The following PDE4D variants were observed in gnomAD, a reference collection of about 807,000 sequenced individuals.
PDE4D encodes the protein 3',5'-cyclic-AMP phosphodiesterase 4D.
A neutral mutation model predicts 87.4 loss-of-function variants in PDE4D; 24 were observed. The observed-to-expected ratio is 0.27, with a 90% CI of 0.20 to 0.39. PDE4D has a LOEUF of 0.39. Among genes scored for constraint, PDE4D ranks in the 10% least tolerant of loss-of-function variants. The probability of loss-of-function intolerance (pLI) is 1.00; values close to 1 mark genes in which losing one functional copy is unlikely to be tolerated. For missense variants in PDE4D, 714 were observed against 1,041.0 expected (o/e 0.69, Z 4.32); for synonymous variants, 384 against 383.2 (o/e 1.00, Z -0.02).
intron 5 of PDE4D, among the ~76,000 whole-genome samples, chr5:59,111,246 T>C (rs1772588989): frequency 6.6e-6 from 1 of 152,180 alleles, no homozygotes; most frequent in Non-Finnish European, 1.5e-5. Flanking sequence ...AATCCCACCT[T>C]TTCTTCTTCT....
intron 2 of PDE4D, among the ~76,000 whole-genome samples, chr5:60,066,045 C>T (rs1772041282): frequency 6.6e-6 from 1 of 152,134 alleles, no homozygotes; most frequent in Admixed American, 6.5e-5. Flanking sequence ...GTTTATAGTC[C>T]CACCAACAGT....
chr5:59,266,660 T>C (rs1762908257), intron 1 of PDE4D, among the ~76,000 whole-genome samples: 1 of 151,818 alleles, frequency 6.6e-6, no homozygotes, highest in African/African-American at 2.4e-5. Context: ...TGTATACAAA[T>C]CTTGGGGGGA....
intron 1 of PDE4D, among the ~76,000 whole-genome samples, chr5:60,200,536 T>A (rs575778510): frequency 6.9e-6 from 1 of 144,848 alleles, no homozygotes; most frequent in East Asian, 1.9e-4. Flanking sequence ...GAAAATTTGC[T>A]ATAAGAAATA....
At chr5:58,996,474 C>CT (rs1341413919) in intron 6 of PDE4D, among the ~76,000 whole-genome samples, 3 of 151,912 alleles carry the variant, frequency 2.0e-5, no homozygotes, top group Admixed American at 6.6e-5. Context: ...ATGACAAAGT[C>CT]TTTTTTTTCA....
chr5:60,370,384 C>T (rs995252055), intron 1 of PDE4D, among the ~76,000 whole-genome samples: 4 of 152,074 alleles, frequency 2.6e-5, no homozygotes, highest in Non-Finnish European at 2.9e-5. Flanking sequence ...AACATATCAT[C>T]GACTACATTC....
intron 1 of PDE4D, among the ~76,000 whole-genome samples, chr5:60,340,567 A>G (rs975122834): frequency 1.7e-4 from 26 of 150,716 alleles, no homozygotes; most frequent in Non-Finnish European, 3.7e-4. Context: ...AGAAGAGAAC[A>G]CAGACTCATT....
chr5:59,010,372 A>G (rs1752534641), intron 6 of PDE4D, among the ~76,000 whole-genome samples: 1 of 151,784 alleles, frequency 6.6e-6, no homozygotes, highest in African/African-American at 2.4e-5. Flanking sequence ...TAATAGTCAA[A>G]GTATTCTTTT....
chr5:60,112,006 T>C (rs1777737577), intron 2 of PDE4D, among the ~76,000 whole-genome samples: 1 of 152,036 alleles, frequency 6.6e-6, no homozygotes, highest in African/African-American at 2.4e-5. Context: ...ATCTTAATGT[T>C]TTGATATCTG....
At chr5:59,112,391 G>A (rs1442486615) in intron 5 of PDE4D, among the ~76,000 whole-genome samples, 1 of 152,208 alleles carries the variant, frequency 6.6e-6, no homozygotes, top group Non-Finnish European at 1.5e-5. Flanking sequence ...GTTATGAGCA[G>A]AGGAATGACA....
At chr5:59,595,905 A>T (rs1299499633) in intron 1 of PDE4D, among the ~76,000 whole-genome samples, 1 of 152,046 alleles carries the variant, frequency 6.6e-6, no homozygotes, top group Admixed American at 6.6e-5. Context: ...TATTCTTCCT[A>T]CTTTTAGAAT....
In PDE4D at chr5:59,099,819, G is replaced by A. The variant is rs147024040; in HGVS notation, c.809-60848C>T. Among the ~76,000 whole-genome samples, 443 of 152,148 alleles carry A rather than the reference G, an allele frequency of 2.9e-3. 2 individuals carry two copies. Among genetic ancestry groups the A allele is most frequent in the African/African-American group, 0.01 (423 of 41,476 alleles). On this transcript the variant is annotated intron_variant, in intron 5 of 14. Transcript: ENST00000340635. Reference sequence around the variant, plus strand: ...TACCTCTTATCTCTTCTTCGATTATGGCCATCACTTACTTCCTCAGACTCC... The same window carrying A: ...TACCTCTTATCTCTTCTTCGATTATAGCCATCACTTACTTCCTCAGACTCC...
At chr5:59,443,064 A>G (rs1290121212) in intron 1 of PDE4D, among the ~76,000 whole-genome samples, 1 of 152,216 alleles carries the variant, frequency 6.6e-6, no homozygotes, top group Non-Finnish European at 1.5e-5. Flanking sequence ...GTCCTCACAA[A>G]GCTTACAATA....
intron 2 of PDE4D, among the ~76,000 whole-genome samples, chr5:60,152,747 C>T (rs1262968822): frequency 1.3e-5 from 2 of 151,516 alleles, no homozygotes; most frequent in African/African-American, 2.4e-5. Flanking sequence ...ATTTCAATCT[C>T]ATTTGTTATT....
chr5:60,041,226 C>A (rs771735285), intron 2 of PDE4D, among the ~76,000 whole-genome samples: 1 of 152,104 alleles, frequency 6.6e-6, no homozygotes, highest in Non-Finnish European at 1.5e-5. Context: ...TCGATAGTCA[C>A]GGCTTGGCTG....
chr5:59,205,698 A>ACACACACC (rs748608669), intron 2 of PDE4D, among the ~76,000 whole-genome samples: 2 of 145,452 alleles, frequency 1.4e-5, no homozygotes, highest in Non-Finnish European at 3.0e-5. Flanking sequence ...ACACACACAC[A>ACACACACC]CCAATCCACA....
At chr5:59,247,537 T>C (rs895322967) in intron 1 of PDE4D, among the ~76,000 whole-genome samples, 3 of 152,290 alleles carry the variant, frequency 2.0e-5, no homozygotes, top group Admixed American at 2.0e-4. Flanking sequence ...AAATTTGCTG[T>C]ACAATTGTTT....
chr5:60,498,945 A>G (rs1223687248), intron 1 of PDE4D, among the ~76,000 whole-genome samples: 2 of 152,200 alleles, frequency 1.3e-5, no homozygotes, highest in Non-Finnish European at 2.9e-5. Flanking sequence ...CCCCACATTC[A>G]TTCCACCTAG....
At chr5:59,427,812 T>C (rs1259474299) in intron 1 of PDE4D, among the ~76,000 whole-genome samples, 1 of 137,644 alleles carries the variant, frequency 7.3e-6, no homozygotes, top group Admixed American at 7.2e-5. Flanking sequence ...ACACAGACCC[T>C]GTCTCAAAAA....
At chr5:60,217,842 T>C (rs1362446921) in intron 1 of PDE4D, among the ~76,000 whole-genome samples, 1 of 151,886 alleles carries the variant, frequency 6.6e-6, no homozygotes, top group Admixed American at 6.6e-5. Flanking sequence ...AAAACCACAG[T>C]GAGATACTAC....
Sources: gnomAD v4.1 joint callset for allele counts (sites outside exome capture counted in the v4.1 genomes callset) on GRCh38, gnomAD v4.1.1 for gene constraint, MANE v1.5 for transcripts, NCBI Gene and HGNC (gene_info 2026-07-23, HGNC 2026-07-21) for gene names.